Variants in CDC37 observed in about 807,000 individuals in gnomAD.
CDC37 encodes the protein cell division cycle 37, HSP90 cochaperone.
Under a neutral mutation model 46.9 loss-of-function variants are expected in CDC37, and 9 were observed. That is an observed-to-expected ratio of 0.19 (90% CI 0.12 to 0.33). The LOEUF (loss-of-function observed/expected upper bound fraction) is 0.33, where lower values mean the gene tolerates loss of function less well. Ranked by LOEUF, CDC37 falls within the 10% of genes least tolerant of loss-of-function variation. The probability of loss-of-function intolerance (pLI) is 1.00; values close to 1 mark genes in which losing one functional copy is unlikely to be tolerated. For missense variants in CDC37, 388 were observed against 514.6 expected (o/e 0.75, Z 2.38); for synonymous variants, 193 against 191.0 (o/e 1.01, Z -0.09).
chr19:10,391,367 A>T lies in CDC37; in HGVS notation c.*184T>A, dbSNP rs916039127. The stretch of plus-strand genomic sequence containing the variant: ...AGTGAAGCCCCTTGACTCAAAGCAG[A>T]GACTTGAATGGGCGCTGGAGAGTGG... On this transcript the variant is annotated 3_prime_UTR_variant, in exon 8 of 8. Coordinates refer to ENST00000222005, the MANE Select transcript of CDC37 (RefSeq NM_007065.4). The T allele has an allele frequency of 4.3e-6, 3 of 691,076 alleles. No individual in the cohort carries two copies. The African/African-American group carries it at 5.4e-5, about 12-fold the overall frequency. 42.8% of individuals were successfully genotyped at this position (691,076 alleles called of 1,614,324 possible).
rs747196677 is a variant in CDC37, at chr19:10,391,528, G to T, written c.*23C>A. ...GGGGCACATAGGGGCCTGGAAGCAG[G>T]TGGCGGTGGTAGCTGGGGCAGGTCA... On this transcript the variant is annotated 3_prime_UTR_variant, in exon 8 of 8. Coordinates refer to ENST00000222005, the MANE Select transcript of CDC37 (RefSeq NM_007065.4). 2.0e-5 allele frequency: 32 copies of T among 1,613,856 alleles called. No individual in the cohort carries two copies. Among genetic ancestry groups the T allele is most frequent in the Non-Finnish European group, 2.6e-5 (31 of 1,179,834 alleles).
intron 5 of CDC37, among the ~76,000 whole-genome samples, chr19:10,394,248 A>G (rs2042475605): frequency 6.6e-6 from 1 of 152,180 alleles, no homozygotes; most frequent in Non-Finnish European, 1.5e-5. Flanking sequence ...TTGGTGACAG[A>G]GCAAGACTCT....
Position 10,393,765 on chromosome 19 carries a change from T to C in CDC37, c.727-324A>G. ...TTGGTCTCCCTAATCTCGGTAAGGA[T>C]AGCCCTGTTCCTCCAGGTACGCAGG... On this transcript the variant is annotated intron_variant, in intron 5 of 7. Coordinates refer to ENST00000222005, the MANE Select transcript of CDC37 (RefSeq NM_007065.4). The surrounding 1 kb of genome is among the most constrained non-coding windows in gnomAD (Gnocchi z 4.9). The C allele has an allele frequency of 3.4e-6, 1 of 296,358 alleles. No individual in the cohort carries two copies. Among genetic ancestry groups the C allele is most frequent in the Non-Finnish European group, 6.3e-6 (1 of 158,958 alleles). 18.4% of individuals were successfully genotyped at this position (296,358 alleles called of 1,614,324 possible). A position where few individuals can be genotyped will look rare whatever the true frequency, so the allele number is the denominator to read the frequency against.
chr19:10,393,589 G>A lies in CDC37; in HGVS notation c.727-148C>T. 1 of 788,128 alleles carries A rather than the reference G, an allele frequency of 1.3e-6. No individual in the cohort carries two copies. The highest frequency in any genetic ancestry group is 3.3e-5 in the Admixed American group (1 of 30,304). 48.8% of individuals were successfully genotyped at this position (788,128 alleles called of 1,614,324 possible). A position where few individuals can be genotyped will look rare whatever the true frequency, so the allele number is the denominator to read the frequency against. ...CTACATGAAGGGCTCCCCAAGGCCT[G>A]GGCTCCCCCGCCGGGGACCTCATCT... is the stretch of plus-strand genomic sequence containing the variant. On this transcript the variant is annotated intron_variant, in intron 5 of 7. Transcript: ENST00000222005. This position sits in a 1 kb window ranked among gnomAD's most constrained non-coding sequence, Gnocchi z 4.9.
At position 10,392,261 on chromosome 19, in the gene CDC37, AT is replaced by A. The variant is rs34814614; in HGVS notation, c.982-556del. Among the ~76,000 whole-genome samples, 1,075 of 152,288 alleles carry A rather than the reference AT, an allele frequency of 7.1e-3. 11 individuals are homozygous for A. The highest frequency in any genetic ancestry group is 8.6e-3 in the Non-Finnish European group (586 of 68,028). ...CTCAACTCTGCTGTGGTAGAGCAAG[AT>A]CGGTTGTAGATGATAGGGAAACAAT... On this transcript the variant is annotated intron_variant, in intron 7 of 7. Transcript: ENST00000222005.
chr19:10,399,098 G>A (rs2042505357), intron 1 of CDC37, among the ~76,000 whole-genome samples: 1 of 152,134 alleles, frequency 6.6e-6, no homozygotes, highest in Non-Finnish European at 1.5e-5. Flanking sequence ...AGGCAGAGCT[G>A]GCCCCTACTC....
rs1439770781 is a variant in CDC37, at chr19:10,398,341, G to C, written c.103-2138C>G. 6.6e-6 allele frequency among the ~76,000 whole-genome samples: 1 copy of C among 152,176 alleles called. No individual in the cohort carries two copies. Among genetic ancestry groups the C allele is most frequent in the Non-Finnish European group, 1.5e-5 (1 of 68,022 alleles). Reference sequence around the variant, plus strand: ...TACCTGCTTTTGCACCCAAAACTCAGCTTCAACAGAGCCTTCCCCAAATGC... The same window carrying C: ...TACCTGCTTTTGCACCCAAAACTCACCTTCAACAGAGCCTTCCCCAAATGC... On this transcript the variant is annotated intron_variant, in intron 1 of 7. Coordinates refer to ENST00000222005, the MANE Select transcript of CDC37 (RefSeq NM_007065.4). The surrounding 1 kb of genome is among the most constrained non-coding windows in gnomAD (Gnocchi z 4.2).
At chr19:10,395,846 C>A in intron 2 of CDC37, 82 bp downstream of exon 2, 1 of 1,471,576 alleles carries the variant, frequency 6.8e-7, no homozygotes, top group Non-Finnish European at 9.3e-7. Flanking sequence ...CCTCCCCTGA[C>A]CAGGCATTGG....
Position 10,396,190 on chromosome 19 carries a change from C to A in CDC37, c.116G>T (p.Arg39Leu). Residue 39 changes from arginine (R) to leucine (L), a missense_variant, in exon 2 of 8, where the codon CGC (arginine) becomes CTC (leucine). Around this residue, in one of 2 missense-constraint regions of CDC37, gnomAD observed 374 missense variants for 467.4 expected, o/e 0.80. Coordinates refer to ENST00000222005, the MANE Select transcript of CDC37 (RefSeq NM_007065.4). The surrounding 1 kb of genome is among the most constrained non-coding windows in gnomAD (Gnocchi z 5.9). ...FRWRHQARVE[R>L]MEQFQKEKEE... ...CTTCTCCTTCTGGAACTGCTCCATGCGTTCCACCCGGGCCTGCGGGCAGGG... is the reference window on the plus strand; with the variant it reads ...CTTCTCCTTCTGGAACTGCTCCATGAGTTCCACCCGGGCCTGCGGGCAGGG... The A allele has an allele frequency of 6.2e-7, 1 of 1,613,782 alleles. No homozygotes were observed. The highest frequency in any genetic ancestry group is 8.5e-7 in the Non-Finnish European group (1 of 1,179,820).
At chr19:10,401,235 A>G (rs2042516745) in intron 1 of CDC37, among the ~76,000 whole-genome samples, 2 of 152,170 alleles carry the variant, frequency 1.3e-5, no homozygotes, top group African/African-American at 4.8e-5. Context: ...GCTTCTTGTG[A>G]GTCTTGCCAC....
chr19:10,399,003 G>A (rs73923213), intron 1 of CDC37, among the ~76,000 whole-genome samples: 2,900 of 152,164 alleles, frequency 0.019, 87 homozygotes, highest in African/African-American at 0.066. Flanking sequence ...TACCATCTCC[G>A]TCCTTGTCAC....
intron 2 of CDC37, 120 bp downstream of exon 2, chr19:10,395,808 C>T (rs1211213172): frequency 1.8e-6 from 2 of 1,113,356 alleles, no homozygotes; most frequent in African/African-American, 1.6e-5. Context: ...CCGCCCCCCA[C>T]CACACTCTTC....
At chr19:10,402,031 C>T (rs749440611) in intron 1 of CDC37, among the ~76,000 whole-genome samples, 2 of 151,806 alleles carry the variant, frequency 1.3e-5, no homozygotes, top group Non-Finnish European at 2.9e-5. Context: ...GTGCATCATG[C>T]CTGTAATCCC....
Position 10,391,433 on chromosome 19 carries a change from G to A in CDC37, c.*118C>T, listed in dbSNP as rs1288224066. ...CAGGGAGGGCTGGGCGGGCCCCCCAGGCTGGGCCGAGCAGCGCAAGTAGAG... is the reference window on the plus strand; with the variant it reads ...CAGGGAGGGCTGGGCGGGCCCCCCAAGCTGGGCCGAGCAGCGCAAGTAGAG... On this transcript the variant is annotated 3_prime_UTR_variant, in exon 8 of 8. Coordinates refer to ENST00000222005, the MANE Select transcript of CDC37 (RefSeq NM_007065.4). 14 of 1,311,636 alleles carry A rather than the reference G, an allele frequency of 1.1e-5. No homozygotes were observed. The highest frequency in any genetic ancestry group is 1.5e-5 in the Non-Finnish European group (14 of 913,378). 81.2% of individuals were successfully genotyped at this position (1,311,636 alleles called of 1,614,324 possible). A position where few individuals can be genotyped will look rare whatever the true frequency, so the allele number is the denominator to read the frequency against.
Position 10,393,239 on chromosome 19 carries a change from C to A in CDC37, c.909+20G>T. On this transcript the variant is annotated intron_variant, in intron 6 of 7. Transcript: ENST00000222005. The surrounding 1 kb of genome is among the most constrained non-coding windows in gnomAD (Gnocchi z 4.9). ...CCGCTCAGGGTCTTCCTGCTGCCCG[C>A]CTGGGCCGGGGAGCCCCACCTCAGG... is the stretch of plus-strand genomic sequence containing the variant. 2.5e-6 allele frequency: 4 copies of A among 1,612,788 alleles called. No homozygotes were observed. The highest frequency in any genetic ancestry group is 3.4e-6 in the Non-Finnish European group (4 of 1,179,316).
intron 2 of CDC37, 24 bp downstream of exon 2, chr19:10,395,904 G>GGGGGC: frequency 1.3e-6 from 2 of 1,541,894 alleles, no homozygotes; most frequent in Non-Finnish European, 1.8e-6. Context: ...CATGCGCACT[G>GGGGGC]CCCGCCCCGC....
chr19:10,402,499 G>C (rs2042524901), intron 1 of CDC37, among the ~76,000 whole-genome samples: 1 of 152,150 alleles, frequency 6.6e-6, no homozygotes, highest in Non-Finnish European at 1.5e-5. Context: ...TTAGGGGAGA[G>C]TTTCCAATGC....
chr19:10,393,262 A>G lies in CDC37; in HGVS notation c.906T>C (p.Pro302=). ...CGCCTGGGCCGGGGAGCCCCACCTC[A>G]GGGAGGGACTCGTAGACCTCGACGG... ...LDPVEVYESL[P]EELQKCFDVK... The change falls in exon 6 of 8, where the codon CCT becomes CCC. Residue 302 remains proline (P), a synonymous_variant. Transcript: ENST00000222005. The surrounding 1 kb of genome is among the most constrained non-coding windows in gnomAD (Gnocchi z 4.9). 1 of 1,612,754 alleles carries G rather than the reference A, an allele frequency of 6.2e-7. No homozygotes were observed. Among genetic ancestry groups the G allele is most frequent in the Non-Finnish European group, 8.5e-7 (1 of 1,179,406 alleles).
At chr19:10,403,077 C>G (rs146210694) in intron 1 of CDC37, among the ~76,000 whole-genome samples, 56 of 152,138 alleles carry the variant, frequency 3.7e-4, no homozygotes, top group African/African-American at 1.3e-3. Context: ...AACTGCCGAA[C>G]AGAATTAGGG....
Sources: gnomAD v4.1 joint callset for allele counts (sites outside exome capture counted in the v4.1 genomes callset) on GRCh38, gnomAD v4.1.1 for gene constraint, gnomAD v4.1.1 regional missense constraint, Gnocchi (gnomAD v3.1) non-coding constraint, MANE v1.5 for transcripts, NCBI Gene and HGNC (gene_info 2026-07-23, HGNC 2026-07-21) for gene names.